Variants in COBLL1 observed in about 807,000 individuals in gnomAD.
COBLL1 encodes cordon-bleu WH2 repeat protein like 1.
A neutral mutation model predicts 94.8 loss-of-function variants in COBLL1; 50 were observed. The ratio of observed to expected loss-of-function variants is 0.53; its 90% confidence interval spans 0.42 to 0.67. The LOEUF (loss-of-function observed/expected upper bound fraction) is 0.67. COBLL1 is among the 30% of genes least tolerant of loss of function. The pLI, the probability that COBLL1 is intolerant of heterozygous loss-of-function variation, is 0.00. For missense variants in COBLL1, 1,362 were observed against 1,348.7 expected (o/e 1.01, Z -0.15); for synonymous variants, 448 against 473.8 (o/e 0.95, Z 0.71).
intron 2 of COBLL1, among the ~76,000 whole-genome samples, chr2:164,818,561 A>G (rs981148419): frequency 1.4e-5 from 2 of 147,344 alleles, no homozygotes; most frequent in South Asian, 2.1e-4. Flanking sequence ...ACATATGTAC[A>G]CATATATAGC....
chr2:164,674,114 G>A (rs993294164), intron 1 of COBLL1, among the ~76,000 whole-genome samples: 1 of 152,260 alleles, frequency 6.6e-6, no homozygotes, highest in African/African-American at 2.4e-5. Context: ...AGTCTGGAGT[G>A]CAGTGGCGTA....
chr2:164,805,575 A>G (rs1684111253), intron 2 of COBLL1, among the ~76,000 whole-genome samples: 1 of 151,392 alleles, frequency 6.6e-6, no homozygotes, highest in Non-Finnish European at 1.5e-5. Flanking sequence ...ATATAGTTGG[A>G]ATAATATAGT....
At chr2:164,778,270 T>C (rs932438059) in intron 2 of COBLL1, among the ~76,000 whole-genome samples, 4 of 152,106 alleles carry the variant, frequency 2.6e-5, no homozygotes, top group Non-Finnish European at 5.9e-5. Flanking sequence ...TTGGGAGGAA[T>C]AGCAAATGCA....
At chr2:164,693,783 G>T (rs1683742736) in intron 12 of COBLL1, among the ~76,000 whole-genome samples, 1 of 152,124 alleles carries the variant, frequency 6.6e-6, no homozygotes, top group South Asian at 2.1e-4. Flanking sequence ...ATATATGCAA[G>T]CTGAAGTTGA....
chr2:164,802,058 TAAAAC>T (rs1245972237), intron 2 of COBLL1, among the ~76,000 whole-genome samples: 3 of 152,198 alleles, frequency 2.0e-5, no homozygotes, highest in African/African-American at 4.8e-5. Context: ...GTTTAAAAAT[TAAAAC>T]AAAATTTAAG....
intron 5 of COBLL1, among the ~76,000 whole-genome samples, chr2:164,726,589 C>T: frequency 6.6e-6 from 1 of 152,082 alleles, no homozygotes; most frequent in East Asian, 1.9e-4. Flanking sequence ...TTCCTTTCAG[C>T]AATTTCATAT....
intron 7 of COBLL1, among the ~76,000 whole-genome samples, chr2:164,717,212 G>A (rs1261456013): frequency 6.6e-6 from 1 of 152,092 alleles, no homozygotes; most frequent in African/African-American, 2.4e-5. Flanking sequence ...GCGCACCCTT[G>A]TGGTTTATTT....
At chr2:164,732,755 A>G (rs1290713597) in intron 3 of COBLL1, among the ~76,000 whole-genome samples, 2 of 152,222 alleles carry the variant, frequency 1.3e-5, no homozygotes, top group African/African-American at 4.8e-5. Context: ...CCAGAAATAC[A>G]TAAGTTAACA....
At chr2:164,820,788 C>A (rs887267136) in intron 2 of COBLL1, among the ~76,000 whole-genome samples, 1 of 152,134 alleles carries the variant, frequency 6.6e-6, no homozygotes, top group Non-Finnish European at 1.5e-5. Flanking sequence ...GCAGTGGTAA[C>A]CTGGTTAGGA....
intron 7 of COBLL1, among the ~76,000 whole-genome samples, chr2:164,707,920 A>G (rs1574448240): frequency 6.6e-6 from 1 of 152,178 alleles, no homozygotes; most frequent in East Asian, 1.9e-4. Flanking sequence ...TTTTTAATAT[A>G]CCTGCCAGAG....
At chr2:164,803,418 A>G (rs1293025148) in intron 2 of COBLL1, among the ~76,000 whole-genome samples, 1 of 151,046 alleles carries the variant, frequency 6.6e-6, no homozygotes, top group African/African-American at 2.4e-5. Context: ...ACAAAAAATT[A>G]GCCGGGCGTA....
intron 2 of COBLL1, among the ~76,000 whole-genome samples, chr2:164,789,491 A>G (rs1304658549): frequency 6.6e-6 from 1 of 152,158 alleles, no homozygotes; most frequent in Non-Finnish European, 1.5e-5. Context: ...AATATCTTCA[A>G]AGGAAGTGCA....
rs768778054 is a variant in COBLL1, at chr2:164,694,568, C to A, written c.2824G>T (p.Ala942Ser). 4 of 1,613,854 alleles carry A rather than the reference C, an allele frequency of 2.5e-6. No homozygotes were observed. The highest frequency in any genetic ancestry group is 1.7e-5 in the Admixed American group (1 of 59,948). ...EKTDDDVIGQ[A>S]PAEASPPPIA... The stretch of plus-strand genomic sequence containing the variant: ...GGAGGAGGGGAGGCTTCAGCAGGAG[C>A]CTGACCGATGACATCATCATCAGTT... The change falls in exon 12 of 14, where the codon GCT becomes TCT. Residue 942 changes from alanine (A) to serine (S), a missense_variant. Physicochemically the swap from Ala to Ser is moderately conservative, Grantham distance 99. Coordinates refer to ENST00000652658, the MANE Select transcript of COBLL1 (RefSeq NM_001365672.2).
intron 2 of COBLL1, among the ~76,000 whole-genome samples, chr2:164,826,335 T>C (rs778841178): frequency 3.9e-5 from 6 of 152,242 alleles, no homozygotes; most frequent in Non-Finnish European, 8.8e-5. Flanking sequence ...AGTGGACTTA[T>C]GAACTTTCTA....
intron 2 of COBLL1, among the ~76,000 whole-genome samples, chr2:164,826,988 T>C (rs1210899987): frequency 2.0e-5 from 3 of 152,058 alleles, no homozygotes; most frequent in Non-Finnish European, 2.9e-5. Context: ...TCTCGCTCTA[T>C]CACCCAGGCT....
At chr2:164,807,341 G>C (rs760398537) in intron 2 of COBLL1, among the ~76,000 whole-genome samples, 16 of 152,002 alleles carry the variant, frequency 1.1e-4, no homozygotes. Context: ...AGGAGGCTGA[G>C]GCAGGAGAAT....
At chr2:164,740,252 A>G (rs192243752) in intron 3 of COBLL1, among the ~76,000 whole-genome samples, 3 of 152,230 alleles carry the variant, frequency 2.0e-5, no homozygotes, top group African/African-American at 7.2e-5. Flanking sequence ...GGTCCTAGCT[A>G]CTTGGGAGGC....
intron 2 of COBLL1, among the ~76,000 whole-genome samples, chr2:164,765,378 C>T (rs974169959): frequency 1.3e-5 from 2 of 152,052 alleles, no homozygotes; most frequent in African/African-American, 2.4e-5. Context: ...ATTTAACTAA[C>T]GAATCAAAAT....
At chr2:164,705,301 G>A (rs921262669) in intron 7 of COBLL1, 196 bp from the exon 8 acceptor site, 6 of 385,590 alleles carry the variant, frequency 1.6e-5, no homozygotes, top group Middle Eastern at 6.3e-4. Flanking sequence ...AATAAAATAC[G>A]GCCTTTCTCA....
Sources: allele counts gnomAD v4.1 joint callset (sites outside exome capture counted in the v4.1 genomes callset), GRCh38; gene constraint gnomAD v4.1.1; transcripts MANE v1.5; gene names NCBI Gene and HGNC (gene_info 2026-07-23, HGNC 2026-07-21).